Variants in DCAF6 observed in about 807,000 individuals in gnomAD.
DCAF6 encodes DDB1 and CUL4 associated factor 6.
Under a neutral mutation model 125.1 loss-of-function variants are expected in DCAF6, and 54 were observed. That is an observed-to-expected ratio of 0.43 (90% CI 0.35 to 0.54). The LOEUF (loss-of-function observed/expected upper bound fraction) is 0.54. Ranked by LOEUF, DCAF6 falls within the 20% of genes least tolerant of loss-of-function variation. DCAF6 has a pLI of 0.01. For missense variants in DCAF6, 934 were observed against 1,161.7 expected (o/e 0.80, Z 2.85); for synonymous variants, 371 against 390.4 (o/e 0.95, Z 0.58).
At chr1:167,981,290 G>T (rs974902560) in intron 4 of DCAF6, among the ~76,000 whole-genome samples, 1 of 152,178 alleles carries the variant, frequency 6.6e-6, no homozygotes, top group Non-Finnish European at 1.5e-5. Context: ...TTTTGCATAT[G>T]TAGGGTAAGG....
rs1463354458 is a variant in DCAF6 at position 167,988,102 on chromosome 1, A to G, written c.552+494A>G. Reference sequence around the variant, plus strand: ...CAACATGTTTGTTCAAATTTAGCCCACTTTCCTAAAGATAATATCTCTACT... The same window carrying G: ...CAACATGTTTGTTCAAATTTAGCCCGCTTTCCTAAAGATAATATCTCTACT... On this transcript the variant is annotated intron_variant, in intron 5 of 21. Transcript: ENST00000367840. Among the ~76,000 whole-genome samples the G allele has an allele frequency of 2.0e-5, 3 of 152,122 alleles. 1 individual carries two copies. The highest frequency in any genetic ancestry group is 4.4e-5 in the Non-Finnish European group (3 of 68,022).
chr1:168,066,637 G>C (rs1692370081), intron 20 of DCAF6, among the ~76,000 whole-genome samples, 172 bp downstream of exon 20: 1 of 152,006 alleles, frequency 6.6e-6, no homozygotes, highest in African/African-American at 2.4e-5. Flanking sequence ...ATAATACTAG[G>C]GAGGTAAAAT....
chr1:167,984,727 T>G (rs1461621509), intron 4 of DCAF6, among the ~76,000 whole-genome samples: 2 of 152,244 alleles, frequency 1.3e-5, no homozygotes, highest in African/African-American at 4.8e-5. Flanking sequence ...GAATATACTT[T>G]TTATATATTT....
At chr1:168,033,505 G>C (rs1016683242) in intron 12 of DCAF6, among the ~76,000 whole-genome samples, 1 of 151,714 alleles carries the variant, frequency 6.6e-6, no homozygotes, top group African/African-American at 2.4e-5. Flanking sequence ...TTTTAGTAGA[G>C]ACGGGGTTTC....
intron 8 of DCAF6, among the ~76,000 whole-genome samples, 198 bp from the exon 9 acceptor site, chr1:168,003,672 G>C (rs1180663533): frequency 6.6e-6 from 1 of 152,078 alleles, no homozygotes; most frequent in African/African-American, 2.4e-5. Flanking sequence ...CATACACATG[G>C]AAAGTCACTG....
At chr1:167,891,291 C>A in the DCAF6 span, among the ~76,000 whole-genome samples, 1 of 151,994 alleles carries the variant, frequency 6.6e-6, no homozygotes, top group Admixed American at 6.5e-5. Flanking sequence ...CACTCTCCTG[C>A]CTCTCTGGGG....
chr1:167,983,069 T>TAA (rs1679446322), intron 4 of DCAF6, among the ~76,000 whole-genome samples: 1 of 152,244 alleles, frequency 6.6e-6, no homozygotes, highest in South Asian at 2.1e-4. Context: ...ACTGTAGCCT[T>TAA]AAAGTATGGT....
At chr1:167,867,184 G>A in the DCAF6 span, among the ~76,000 whole-genome samples, 1 of 152,046 alleles carries the variant, frequency 6.6e-6, no homozygotes, top group Non-Finnish European at 1.5e-5. Context: ...TATTCTAGTG[G>A]GCCCAACCTC....
At chr1:167,969,089 C>T (rs1251477996) in intron 3 of DCAF6, 1 of 151,664 alleles carries the variant, frequency 6.6e-6, no homozygotes, top group Non-Finnish European at 1.5e-5. Context: ...TTAAACTTTC[C>T]TTAGCCTTTT....
intron 4 of DCAF6, among the ~76,000 whole-genome samples, chr1:167,983,802 T>C (rs549889909): frequency 6.6e-6 from 1 of 152,342 alleles, no homozygotes; most frequent in East Asian, 1.9e-4. Flanking sequence ...GCAACTGTGA[T>C]GTTAAATCAT....
At chr1:167,973,608 T>G (rs556602839) in intron 3 of DCAF6, among the ~76,000 whole-genome samples, 3 of 152,320 alleles carry the variant, frequency 2.0e-5, no homozygotes, top group African/African-American at 7.2e-5. Flanking sequence ...ATTCAGTGTT[T>G]TATAGTCAAT....
chr1:167,876,906 G>A, the DCAF6 span, among the ~76,000 whole-genome samples: 8 of 152,136 alleles, frequency 5.3e-5, no homozygotes, highest in Non-Finnish European at 7.3e-5. Context: ...GGACAAACAT[G>A]CTGGATGGAA....
chr1:168,030,169 TAGC>T (rs1426931103), intron 12 of DCAF6, among the ~76,000 whole-genome samples: 2 of 151,840 alleles, frequency 1.3e-5, no homozygotes, highest in African/African-American at 2.4e-5. Context: ...AAAGGGGAAA[TAGC>T]AGGGTTCAGT....
At chr1:167,867,704 T>C in the DCAF6 span, among the ~76,000 whole-genome samples, 4 of 151,872 alleles carry the variant, frequency 2.6e-5, no homozygotes, top group African/African-American at 9.7e-5. Flanking sequence ...TCCCCAAGCA[T>C]GTAACACTAA....
intron 13 of DCAF6, among the ~76,000 whole-genome samples, chr1:168,040,559 G>T (rs1422194436): frequency 1.3e-5 from 2 of 151,720 alleles, no homozygotes; most frequent in East Asian, 3.9e-4. Flanking sequence ...ATAAGTCTTA[G>T]TGCCTGACCA....
the DCAF6 span, chr1:167,917,490 C>T: frequency 4.6e-3 from 688 of 150,314 alleles, 8 homozygotes; most frequent in East Asian, 0.057. Flanking sequence ...CCCAGCTGCT[C>T]GGGAGGCTGA....
chr1:167,896,487 G>C, the DCAF6 span: 1 of 872,490 alleles, frequency 1.1e-6, no homozygotes, highest in East Asian at 2.4e-5. Context: ...TAAGGACCAG[G>C]AGCTGTGTTG....
At chr1:167,883,040 C>T in the DCAF6 span, among the ~76,000 whole-genome samples, 1 of 152,256 alleles carries the variant, frequency 6.6e-6, no homozygotes, top group East Asian at 1.9e-4. Context: ...GGTTAAATTT[C>T]TTTTTTTGTT....
chr1:167,943,259 C>G (rs1672534208), intron 1 of DCAF6, among the ~76,000 whole-genome samples: 1 of 152,082 alleles, frequency 6.6e-6, no homozygotes, highest in South Asian at 2.1e-4. Context: ...CTATTCTGAA[C>G]CCTTTCTATT....
Sources: gnomAD v4.1 joint callset for allele counts (sites outside exome capture counted in the v4.1 genomes callset) on GRCh38, gnomAD v4.1.1 for gene constraint, MANE v1.5 for transcripts, NCBI Gene and HGNC (gene_info 2026-07-23, HGNC 2026-07-21) for gene names.